PTPRG: variants seen among roughly 807,000 people sequenced by gnomAD.
The protein encoded by PTPRG is receptor-type tyrosine-protein phosphatase gamma.
A neutral mutation model predicts 165.3 loss-of-function variants in PTPRG; 102 were observed. That is an observed-to-expected ratio of 0.62 (90% CI 0.53 to 0.73). The LOEUF is 0.73. PTPRG is among the 30% of genes least tolerant of loss of function. The probability of loss-of-function intolerance (pLI) is 0.00; values close to 1 mark genes in which losing one functional copy is unlikely to be tolerated. For synonymous variants in PTPRG, 675 were observed against 669.5 expected, an observed-to-expected ratio of 1.01 and a Z score of -0.13; for missense variants, 1,866 against 1,861.4, an observed-to-expected ratio of 1.00 and a Z score of -0.05.
intron 1 of PTPRG, among the ~76,000 whole-genome samples, chr3:61,674,863 A>G (rs1703168535): frequency 6.6e-6 from 1 of 152,210 alleles, no homozygotes; most frequent in Non-Finnish European, 1.5e-5. Context: ...CTCTAAAAGA[A>G]CAATTATATT....
intron 5 of PTPRG, chr3:62,124,638 G>C: frequency 1.2e-6 from 1 of 823,940 alleles, no homozygotes; most frequent in East Asian, 2.5e-5. Flanking sequence ...GAGACCGGGA[G>C]GGAGCTGGCT....
intron 4 of PTPRG, among the ~76,000 whole-genome samples, chr3:62,014,660 A>G (rs2041498749): frequency 2.0e-5 from 3 of 152,074 alleles, no homozygotes; most frequent in South Asian, 4.2e-4. Context: ...GAGAAACCTC[A>G]CGCACTCCCC....
intron 5 of PTPRG, among the ~76,000 whole-genome samples, chr3:62,126,164 G>A (rs1411339585): frequency 6.6e-6 from 1 of 152,160 alleles, no homozygotes; most frequent in African/African-American, 2.4e-5. Context: ...GTCACCCTGC[G>A]GGGATTGGTT....
intron 1 of PTPRG, among the ~76,000 whole-genome samples, chr3:61,728,307 C>T (rs1220688912): frequency 6.6e-6 from 1 of 152,154 alleles, no homozygotes; most frequent in Non-Finnish European, 1.5e-5. Flanking sequence ...TAAAGCTATG[C>T]ATGGTGGTGC....
At chr3:61,911,644 T>C (rs2038807028) in intron 2 of PTPRG, among the ~76,000 whole-genome samples, 1 of 152,200 alleles carries the variant, frequency 6.6e-6, no homozygotes, top group South Asian at 2.1e-4. Flanking sequence ...GTTTGTATGA[T>C]TGTTTCCCCA....
intron 10 of PTPRG, among the ~76,000 whole-genome samples, chr3:62,200,510 C>T (rs551860843): frequency 1.3e-5 from 2 of 152,130 alleles, no homozygotes; most frequent in East Asian, 3.9e-4. Context: ...ACCTCATGAT[C>T]CACCTGCCTC....
rs75780003 is a variant in PTPRG at position 61,578,849 on chromosome 3, A to G, written c.85+16477A>G. On this transcript the variant is annotated intron_variant, in intron 1 of 29. Coordinates refer to ENST00000474889, the MANE Select transcript of PTPRG (RefSeq NM_002841.4). Reference sequence around the variant, plus strand: ...TTTTTGAGGTTCCCCCGATGGAAATACTTCCTTCCCAGGGAATGTTTGGCA... The same window carrying G: ...TTTTTGAGGTTCCCCCGATGGAAATGCTTCCTTCCCAGGGAATGTTTGGCA... Among the ~76,000 whole-genome samples the G allele has an allele frequency of 7.1e-3, 1,080 of 152,308 alleles. 18 individuals carry two copies. The highest frequency in any genetic ancestry group is 0.025 in the African/African-American group (1,019 of 41,556).
At chr3:61,924,209 G>C (rs1386787058) in intron 2 of PTPRG, among the ~76,000 whole-genome samples, 1 of 152,178 alleles carries the variant, frequency 6.6e-6, no homozygotes, top group East Asian at 1.9e-4. Context: ...CAGGTGGCCT[G>C]TCCTTCTGTC....
chr3:62,268,116 A>G (rs1169112141), intron 19 of PTPRG, among the ~76,000 whole-genome samples: 1 of 152,070 alleles, frequency 6.6e-6, no homozygotes, highest in African/African-American at 2.4e-5. Context: ...TGAGACTTGA[A>G]CAATGATTAC....
intron 3 of PTPRG, among the ~76,000 whole-genome samples, chr3:62,000,017 C>G (rs190873278): frequency 1.3e-5 from 2 of 152,112 alleles, no homozygotes; most frequent in Admixed American, 6.6e-5. Context: ...CCCCCAGGCC[C>G]GGGCTGGGCA....
intron 2 of PTPRG, among the ~76,000 whole-genome samples, chr3:61,903,150 C>G (rs1039000550): frequency 6.6e-6 from 1 of 152,186 alleles, no homozygotes. Context: ...TTATCTGTCC[C>G]GTGCTGTTCT....
At chr3:62,194,566 C>G (rs1699914104) in intron 9 of PTPRG, among the ~76,000 whole-genome samples, 1 of 152,088 alleles carries the variant, frequency 6.6e-6, no homozygotes, top group African/African-American at 2.4e-5. Context: ...GCCTGCAATC[C>G]CAGCATTTTG....
intron 2 of PTPRG, among the ~76,000 whole-genome samples, chr3:61,792,989 A>T (rs566089777): frequency 1.3e-5 from 2 of 152,234 alleles, no homozygotes; most frequent in Admixed American, 1.3e-4. Flanking sequence ...GGCCTTCCAA[A>T]GTGCTGGGAT....
At chr3:61,682,615 C>G (rs879533428) in intron 1 of PTPRG, among the ~76,000 whole-genome samples, 2 of 152,200 alleles carry the variant, frequency 1.3e-5, no homozygotes, top group Admixed American at 6.5e-5. Flanking sequence ...ATTAGTTTAT[C>G]TATCCTGTTC....
chr3:62,275,763 C>T, intron 23 of PTPRG, 110 bp from the exon 24 acceptor site: 1 of 763,830 alleles, frequency 1.3e-6, no homozygotes, highest in Non-Finnish European at 2.1e-6. Context: ...CTTTGTGGCA[C>T]AGAAATGGTC....
intron 1 of PTPRG, among the ~76,000 whole-genome samples, chr3:61,649,571 C>G (rs1331240945): frequency 6.6e-6 from 1 of 152,206 alleles, no homozygotes; most frequent in Non-Finnish European, 1.5e-5. Flanking sequence ...GAGGAGCCAT[C>G]ATGGCCTAAT....
intron 1 of PTPRG, among the ~76,000 whole-genome samples, chr3:61,582,364 A>G (rs1700318948): frequency 6.6e-6 from 1 of 152,220 alleles, no homozygotes; most frequent in Non-Finnish European, 1.5e-5. Context: ...AAAAATCACA[A>G]GAGTAGCAAC....
chr3:61,817,486 C>T (rs867959953), intron 2 of PTPRG, among the ~76,000 whole-genome samples: 7 of 151,832 alleles, frequency 4.6e-5, no homozygotes, highest in Admixed American at 2.6e-4. Flanking sequence ...CCAATAATGG[C>T]AGTTTTTAAA....
At chr3:61,621,049 A>ATG (rs759319362) in intron 1 of PTPRG, among the ~76,000 whole-genome samples, 1,669 of 104,266 alleles carry the variant, frequency 0.016, 58 homozygotes, top group African/African-American at 0.052. Context: ...ATATATATAT[A>ATG]TATGTGTGTG....
Sources: gnomAD v4.1 joint callset for allele counts (sites outside exome capture counted in the v4.1 genomes callset) on GRCh38, gnomAD v4.1.1 for gene constraint, MANE v1.5 for transcripts, NCBI Gene and HGNC (gene_info 2026-07-23, HGNC 2026-07-21) for gene names.